Variants in NUP42 observed in about 807,000 individuals in gnomAD.
The protein encoded by NUP42 is nucleoporin 42, also known as nucleoporin NUP42.
A neutral mutation model predicts 35.9 loss-of-function variants in NUP42; 47 were observed. The ratio of observed to expected loss-of-function variants is 1.31; its 90% CI spans 1.04 to 1.67. The LOEUF is 1.67. Among genes scored for constraint, NUP42 ranks in the 40% most tolerant of loss-of-function variants. The probability of loss-of-function intolerance (pLI) is 0.00; values close to 1 mark genes in which losing one functional copy is unlikely to be tolerated. For missense variants in NUP42, 514 were observed against 492.2 expected (o/e 1.04, Z -0.42); for synonymous variants, 173 against 173.3 (o/e 1.00, Z 0.01).
At chr7:23,187,014 A>G (rs761089117) in intron 2 of NUP42, 38 bp from the exon 3 acceptor site, 1 of 1,383,624 alleles carries the variant, frequency 7.2e-7, no homozygotes, top group South Asian at 1.3e-5. Flanking sequence ...AGCAGCTAAG[A>G]AGATCCTTTA....
intron 5 of NUP42, chr7:23,197,043 ATAAGTT>A: frequency 2.2e-6 from 1 of 462,168 alleles, no homozygotes. Flanking sequence ...AAACTATTAC[ATAAGTT>A]TAAGTATTTA....
chr7:23,196,415 C>T (rs1452364176), intron 4 of NUP42: 5 of 379,120 alleles, frequency 1.3e-5, no homozygotes, highest in East Asian at 1.1e-4. Context: ...ATGTATTCAC[C>T]GCCCATCCAA....
At chr7:23,186,853 G>GTT (rs1254590705) in intron 2 of NUP42, among the ~76,000 whole-genome samples, 199 bp from the exon 3 acceptor site, 1 of 152,028 alleles carries the variant, frequency 6.6e-6, no homozygotes, top group African/African-American at 2.4e-5. Flanking sequence ...TAACTTCTCT[G>GTT]ACATTATAAT....
At chr7:23,189,021 A>G (rs1785698211) in intron 3 of NUP42, among the ~76,000 whole-genome samples, 1 of 152,208 alleles carries the variant, frequency 6.6e-6, no homozygotes, top group African/African-American at 2.4e-5. Context: ...CCTTTTTAGT[A>G]TTCTGTGTGA....
At chr7:23,183,038 C>A (rs1275928819) in intron 1 of NUP42, among the ~76,000 whole-genome samples, 1 of 152,122 alleles carries the variant, frequency 6.6e-6, no homozygotes, top group African/African-American at 2.4e-5. Context: ...CAGTTAAGGG[C>A]TATCCGGGAG....
intron 3 of NUP42, among the ~76,000 whole-genome samples, chr7:23,191,580 C>T (rs1728319): frequency 0.09 from 13,722 of 152,246 alleles, 962 homozygotes; most frequent in African/African-American, 0.19. Flanking sequence ...CTTTCCTTTA[C>T]TCTGAAGCAG....
chr7:23,182,354 T>C (rs1358008713), intron 1 of NUP42, 148 bp downstream of exon 1: 3 of 1,439,374 alleles, frequency 2.1e-6, no homozygotes, highest in Non-Finnish European at 1.8e-6. Flanking sequence ...CACAACGTTT[T>C]TAAACCGAGG....
At chr7:23,199,842 C>A (rs184657452) in intron 6 of NUP42, among the ~76,000 whole-genome samples, 3 of 152,302 alleles carry the variant, frequency 2.0e-5, no homozygotes, top group Non-Finnish European at 2.9e-5. Context: ...CTGTGTATAA[C>A]AGCATAGCAT....
intron 3 of NUP42, among the ~76,000 whole-genome samples, chr7:23,194,096 C>T (rs1637218): frequency 0.087 from 13,310 of 152,212 alleles, 887 homozygotes; most frequent in African/African-American, 0.18. Context: ...CTGGTTGCCA[C>T]TCGCGCCTCT....
At chr7:23,192,984 C>T (rs1243023791) in intron 3 of NUP42, among the ~76,000 whole-genome samples, 2 of 152,016 alleles carry the variant, frequency 1.3e-5, no homozygotes, top group Non-Finnish European at 1.5e-5. Context: ...CAGATGTGTT[C>T]GGAGTTTATT....
intron 6 of NUP42, among the ~76,000 whole-genome samples, 192 bp from the exon 7 acceptor site, chr7:23,199,976 G>A (rs1786153271): frequency 6.6e-6 from 1 of 152,150 alleles, no homozygotes; most frequent in Admixed American, 6.5e-5. Flanking sequence ...TAGCAGAAAA[G>A]ACAGGCAGCA....
chr7:23,193,453 G>C (rs1319719383), intron 3 of NUP42, among the ~76,000 whole-genome samples: 1 of 152,166 alleles, frequency 6.6e-6, no homozygotes. Flanking sequence ...TAGATACAGA[G>C]TGTGGACACA....
intron 3 of NUP42, among the ~76,000 whole-genome samples, chr7:23,193,019 G>A (rs1253370614): frequency 2.6e-5 from 4 of 152,000 alleles, no homozygotes; most frequent in East Asian, 1.9e-4. Flanking sequence ...CCGTGGTCTC[G>A]CTGGCTCAGG....
Position 23,183,065 on chromosome 7 carries a change from C to T in NUP42, c.121+859C>T, listed in dbSNP as rs186107851. ...ATCCGGGAGGTGAGGAAAGGAGATG[C>T]GGGGGCCACGTTGATCTAGTCCCTG... On this transcript the variant is annotated intron_variant, in intron 1 of 6. Transcript: ENST00000258742. Among the ~76,000 whole-genome samples the T allele has an allele frequency of 8.4e-3, 1,282 of 152,086 alleles. 5 individuals are homozygous for T. The highest frequency in any genetic ancestry group is 0.015 in the Non-Finnish European group (1,003 of 67,986).
chr7:23,182,918 AAAAAGAAAGAAAG>A (rs1785465340), intron 1 of NUP42, among the ~76,000 whole-genome samples: 1 of 151,680 alleles, frequency 6.6e-6, no homozygotes, highest in Admixed American at 6.6e-5. Context: ...TCAAAAAAAA[AAAAAGAAAGAAAG>A]AAAAGAAAAA....
intron 5 of NUP42, among the ~76,000 whole-genome samples, chr7:23,198,677 A>T (rs972182979): frequency 6.6e-6 from 1 of 152,244 alleles, no homozygotes; most frequent in Non-Finnish European, 1.5e-5. Flanking sequence ...CAGCAAGAAC[A>T]TAAAGTACTT....
intron 5 of NUP42, among the ~76,000 whole-genome samples, chr7:23,197,838 A>C (rs553017111): frequency 1.8e-4 from 26 of 144,974 alleles, no homozygotes; most frequent in African/African-American, 5.0e-4. Context: ...AAACCAGACC[A>C]AAAAAAAAAA....
chr7:23,193,279 G>C (rs1250091429), intron 3 of NUP42, among the ~76,000 whole-genome samples: 1 of 152,190 alleles, frequency 6.6e-6, no homozygotes, highest in Non-Finnish European at 1.5e-5. Context: ...TGCCACTGCT[G>C]GCTGGGGCAG....
At chr7:23,188,151 T>A (rs1482346810) in intron 3 of NUP42, 9 of 1,318,900 alleles carry the variant, frequency 6.8e-6, no homozygotes, top group Non-Finnish European at 8.8e-6. Flanking sequence ...TGGGAGCTCT[T>A]GCAATCAATA....
Sources: gnomAD v4.1 joint callset for allele counts (sites outside exome capture counted in the v4.1 genomes callset) on GRCh38, gnomAD v4.1.1 for gene constraint, MANE v1.5 for transcripts, NCBI Gene and HGNC (gene_info 2026-07-23, HGNC 2026-07-21) for gene names.